The following AP3S1 variants were observed in gnomAD, a reference collection of about 807,000 sequenced individuals.
The protein encoded by AP3S1 is AP-3 complex subunit sigma-1.
Under a neutral mutation model 21.3 loss-of-function variants are expected in AP3S1, and 12 were observed. The observed-to-expected ratio is 0.56, with a 90% CI of 0.36 to 0.91. The LOEUF is 0.91. AP3S1 is among the 40% of genes least tolerant of loss of function. AP3S1 has a pLI of 0.01. For synonymous variants in AP3S1, 48 were observed against 78.4 expected, an observed-to-expected ratio of 0.61 and a Z score of 2.05; for missense variants, 116 against 225.0, an observed-to-expected ratio of 0.52 and a Z score of 3.10.
intron 4 of AP3S1, among the ~76,000 whole-genome samples, chr5:115,899,636 CT>C (rs1407861288): frequency 6.6e-6 from 1 of 152,052 alleles, no homozygotes; most frequent in Admixed American, 6.6e-5. Flanking sequence ...TTGGAAAAGT[CT>C]TCTTGGGCTT....
intron 1 of AP3S1, among the ~76,000 whole-genome samples, chr5:115,856,846 T>G (rs1046440983): frequency 4.6e-5 from 7 of 152,306 alleles, no homozygotes; most frequent in African/African-American, 1.4e-4. Flanking sequence ...TCTGGAAGTT[T>G]TAAAATATAT....
chr5:115,844,980 T>C (rs1037050291), intron 1 of AP3S1, among the ~76,000 whole-genome samples: 3 of 152,208 alleles, frequency 2.0e-5, no homozygotes, highest in Non-Finnish European at 4.4e-5. Context: ...TTATTTAGAA[T>C]CTCCTAGCTT....
intron 3 of AP3S1, among the ~76,000 whole-genome samples, chr5:115,878,910 C>G (rs1749013029): frequency 6.6e-6 from 1 of 152,130 alleles, no homozygotes; most frequent in South Asian, 2.1e-4. Flanking sequence ...AGAGGCCCTT[C>G]ACATCCCTTG....
intron 1 of AP3S1, among the ~76,000 whole-genome samples, chr5:115,861,775 A>G (rs1441954347): frequency 6.6e-6 from 1 of 151,692 alleles, no homozygotes; most frequent in Admixed American, 6.6e-5. Context: ...TTAAACTTCT[A>G]GACTCAAGAG....
intron 3 of AP3S1, among the ~76,000 whole-genome samples, chr5:115,883,375 C>A (rs1296958965): frequency 6.6e-6 from 1 of 152,204 alleles, no homozygotes; most frequent in East Asian, 1.9e-4. Context: ...GTTGCAAAGA[C>A]CATGGGAAAA....
In AP3S1 at chr5:115,907,881, A is replaced by T. The variant is rs139384105; in HGVS notation, c.453+4889A>T. 2.3e-3 allele frequency among the ~76,000 whole-genome samples: 356 copies of T among 152,276 alleles called. 3 individuals carry two copies. The highest frequency in any genetic ancestry group is 8.2e-3 in the African/African-American group (340 of 41,564). ...TTGTGTGAAACCATGTAAGCAAAAGAAATGTTTATAAGGTCTCTGATTGAA... is the reference window on the plus strand; with the variant it reads ...TTGTGTGAAACCATGTAAGCAAAAGTAATGTTTATAAGGTCTCTGATTGAA... On this transcript the variant is annotated intron_variant, in intron 5 of 5. Coordinates refer to ENST00000316788, the MANE Select transcript of AP3S1 (RefSeq NM_001284.4).
In AP3S1 at chr5:115,842,193, T is replaced by C. The variant is rs562170386; in HGVS notation, c.69+87T>C. 5 of 1,471,220 alleles carry C rather than the reference T, an allele frequency of 3.4e-6. No homozygotes were observed. The Admixed American group carries it at 1.2e-4, about 34-fold the overall frequency. 91.1% of individuals were successfully genotyped at this position (1,471,220 alleles called of 1,614,324 possible). ...GCGCGGCTTTCTCAGAGCGACCCCCTCCGGCGCGCTGCGGCCCTTGTCCCG... is the reference window on the plus strand; with the variant it reads ...GCGCGGCTTTCTCAGAGCGACCCCCCCCGGCGCGCTGCGGCCCTTGTCCCG... On this transcript the variant is annotated intron_variant, in intron 1 of 5. Transcript: ENST00000316788.
intron 3 of AP3S1, among the ~76,000 whole-genome samples, chr5:115,875,508 C>G (rs1748634093): frequency 6.6e-6 from 1 of 152,156 alleles, no homozygotes; most frequent in Admixed American, 6.5e-5. Flanking sequence ...TGGGTACCAC[C>G]TGTTTTTTAA....
chr5:115,843,549 G>A (rs1047573751), intron 1 of AP3S1, among the ~76,000 whole-genome samples: 2 of 152,136 alleles, frequency 1.3e-5, no homozygotes, highest in Non-Finnish European at 2.9e-5. Context: ...GGGAAAAAAT[G>A]CCATTAACTT....
At chr5:115,861,721 AT>A (rs1324488072) in intron 1 of AP3S1, among the ~76,000 whole-genome samples, 4 of 151,744 alleles carry the variant, frequency 2.6e-5, no homozygotes. Flanking sequence ...TGCCTGGGTA[AT>A]TTTTTGTAGA....
At chr5:115,862,109 G>T (rs981217754) in intron 1 of AP3S1, among the ~76,000 whole-genome samples, 2 of 151,882 alleles carry the variant, frequency 1.3e-5, no homozygotes, top group Admixed American at 6.6e-5. Context: ...GTGGACATTT[G>T]GGTCATTTTC....
chr5:115,857,785 C>G (rs1311050978), intron 1 of AP3S1, among the ~76,000 whole-genome samples: 1 of 152,154 alleles, frequency 6.6e-6, no homozygotes, highest in East Asian at 1.9e-4. Flanking sequence ...TTCCCAGTCC[C>G]CTCATAGTTA....
At chr5:115,897,237 A>G (rs931901908) in intron 4 of AP3S1, among the ~76,000 whole-genome samples, 1 of 152,216 alleles carries the variant, frequency 6.6e-6, no homozygotes, top group Non-Finnish European at 1.5e-5. Flanking sequence ...GGGATCATAC[A>G]ATATGTATTT....
intron 3 of AP3S1, among the ~76,000 whole-genome samples, chr5:115,891,007 C>T (rs942647763): frequency 6.6e-6 from 1 of 152,144 alleles, no homozygotes. Context: ...AGCATTACCC[C>T]ATTCAGTCCT....
At chr5:115,895,873 A>C (rs1018392377) in intron 4 of AP3S1, among the ~76,000 whole-genome samples, 1 of 152,210 alleles carries the variant, frequency 6.6e-6, no homozygotes, top group African/African-American at 2.4e-5. Flanking sequence ...AAGAAGGTAG[A>C]ATTGATGGGA....
intron 3 of AP3S1, among the ~76,000 whole-genome samples, chr5:115,875,238 A>T (rs1025775125): frequency 6.6e-6 from 1 of 152,104 alleles, no homozygotes; most frequent in African/African-American, 2.4e-5. Flanking sequence ...ATTTTATATG[A>T]CACATTTATG....
chr5:115,886,516 T>C (rs1327732664), intron 3 of AP3S1, among the ~76,000 whole-genome samples: 1 of 152,208 alleles, frequency 6.6e-6, no homozygotes, highest in Non-Finnish European at 1.5e-5. Context: ...CTTAATAACA[T>C]TTCTTCTCTA....
intron 4 of AP3S1, among the ~76,000 whole-genome samples, chr5:115,895,642 A>G (rs1580724776): frequency 6.6e-6 from 1 of 152,214 alleles, no homozygotes; most frequent in African/African-American, 2.4e-5. Context: ...TTGTGAGGCA[A>G]TTTAATGTTT....
chr5:115,892,579 C>T (rs1750406108), intron 3 of AP3S1, among the ~76,000 whole-genome samples: 1 of 152,120 alleles, frequency 6.6e-6, no homozygotes, highest in Non-Finnish European at 1.5e-5. Context: ...CATATGTTCT[C>T]CTTACTTTTA....
Sources: gnomAD v4.1 joint callset for allele counts (sites outside exome capture counted in the v4.1 genomes callset) on GRCh38, gnomAD v4.1.1 for gene constraint, MANE v1.5 for transcripts, NCBI Gene and HGNC (gene_info 2026-07-23, HGNC 2026-07-21) for gene names.